Variants in SORCS2 observed in about 807,000 individuals in gnomAD.
SORCS2 encodes the protein sortilin related VPS10 domain containing receptor 2.
In SORCS2, 100 loss-of-function variants were observed where a neutral mutation model predicts 141.6. That is an observed-to-expected ratio of 0.71 (90% CI 0.60 to 0.83). SORCS2 has a LOEUF of 0.83. Among genes scored for constraint, SORCS2 ranks in the 40% least tolerant of loss-of-function variants. SORCS2 has a pLI of 0.00. For missense variants in SORCS2, 1,646 were observed against 1,560.2 expected (o/e 1.05, Z -0.93); for synonymous variants, 789 against 676.9 (o/e 1.17, Z -2.57).
chr4:7,506,762 G>A (rs1036348211), intron 2 of SORCS2, among the ~76,000 whole-genome samples: 1 of 152,248 alleles, frequency 6.6e-6, no homozygotes, highest in Non-Finnish European at 1.5e-5. Context: ...GAGACTGGAT[G>A]TAGTCAGGGA....
At chr4:7,639,549 G>T (rs1263017002) in intron 4 of SORCS2, among the ~76,000 whole-genome samples, 1 of 71,358 alleles carries the variant, frequency 1.4e-5, no homozygotes, top group Non-Finnish European at 3.7e-5. Context: ...TAGTGTGAAT[G>T]TGTGTGACTG....
chr4:7,293,741 G>A (rs568960335), intron 1 of SORCS2, among the ~76,000 whole-genome samples: 5 of 152,308 alleles, frequency 3.3e-5, no homozygotes, highest in South Asian at 2.1e-4. Context: ...GTCTCAGTGC[G>A]TGGTGCCCAG....
At chr4:7,300,001 C>T (rs1717329711) in intron 1 of SORCS2, among the ~76,000 whole-genome samples, 2 of 152,190 alleles carry the variant, frequency 1.3e-5, no homozygotes, top group African/African-American at 4.8e-5. Flanking sequence ...AGGGCTTGGT[C>T]AAAGCTGCTC....
chr4:7,359,525 G>A (rs887711316), intron 1 of SORCS2, among the ~76,000 whole-genome samples: 8 of 152,162 alleles, frequency 5.3e-5, no homozygotes, highest in African/African-American at 1.7e-4. Context: ...AGAAGCCATG[G>A]CGGGATCTAA....
At chr4:7,591,134 A>C (rs1444301424) in intron 3 of SORCS2, among the ~76,000 whole-genome samples, 2 of 152,102 alleles carry the variant, frequency 1.3e-5, no homozygotes, top group Non-Finnish European at 2.9e-5. Flanking sequence ...GTGCATCCTT[A>C]GCTCACTCTT....
rs147297133 is a variant in SORCS2 at position 7,674,301 on chromosome 4, C to T, written c.1162-1749C>T. ...TAGCTCCAAAATAGCAACACTCGGC[C>T]GGGCGCGGTGGCTCACGCCTGTAAT... On this transcript the variant is annotated intron_variant, in intron 8 of 26. Transcript: ENST00000507866. Among the ~76,000 whole-genome samples, 26 of 152,144 alleles carry T rather than the reference C, an allele frequency of 1.7e-4. No homozygotes were observed. The East Asian group carries it at 3.5e-3, about 20-fold the overall frequency.
chr4:7,440,254 C>G (rs546655626), intron 2 of SORCS2, among the ~76,000 whole-genome samples: 4 of 152,158 alleles, frequency 2.6e-5, no homozygotes, highest in East Asian at 3.9e-4. Flanking sequence ...GAGTCTGGGA[C>G]CGGGGAGGAG....
intron 1 of SORCS2, among the ~76,000 whole-genome samples, chr4:7,254,644 A>C (rs1713725666): frequency 6.6e-6 from 1 of 152,196 alleles, no homozygotes; most frequent in Non-Finnish European, 1.5e-5. Context: ...AAATCTGTAC[A>C]AATAAAAAGG....
At chr4:7,427,670 G>C (rs1177522775) in intron 2 of SORCS2, among the ~76,000 whole-genome samples, 1 of 152,104 alleles carries the variant, frequency 6.6e-6, no homozygotes, top group Non-Finnish European at 1.5e-5. Context: ...TGAGACTCGG[G>C]AAGCTTCCAG....
intron 2 of SORCS2, among the ~76,000 whole-genome samples, chr4:7,498,500 C>A (rs1731767964): frequency 6.6e-6 from 1 of 152,242 alleles, no homozygotes; most frequent in African/African-American, 2.4e-5. Flanking sequence ...AAAATTGAGA[C>A]CCATGTACCA....
intron 3 of SORCS2, among the ~76,000 whole-genome samples, chr4:7,634,289 C>T (rs756106123): frequency 6.6e-6 from 1 of 151,858 alleles, no homozygotes; most frequent in Admixed American, 6.6e-5. Flanking sequence ...CAAAGAATCA[C>T]TTGAACTTGG....
At chr4:7,442,724 AC>A (rs1197381740) in intron 2 of SORCS2, among the ~76,000 whole-genome samples, 4 of 145,442 alleles carry the variant, frequency 2.8e-5, no homozygotes, top group South Asian at 2.3e-4. Context: ...GGAGAGCAGC[AC>A]CCCCAGCCCA....
rs977088527 is a variant in SORCS2 at position 7,503,626 on chromosome 4, A to C, written c.549-27904A>C. ...GCTGGAGAGGGTATACCCAGGATGC[A>C]GGGAGAGGCACAGGTGCAGATGGAG... On this transcript the variant is annotated intron_variant, in intron 2 of 26. Transcript: ENST00000507866. Among the ~76,000 whole-genome samples the C allele has an allele frequency of 2.0e-5, 3 of 152,188 alleles. No individual in the cohort carries two copies. In the South Asian group the frequency reaches 6.2e-4, roughly 32 times the overall value.
intron 2 of SORCS2, among the ~76,000 whole-genome samples, chr4:7,411,452 C>T (rs1725302261): frequency 6.6e-6 from 1 of 151,966 alleles, no homozygotes; most frequent in Non-Finnish European, 1.5e-5. Flanking sequence ...TCAATGCTTT[C>T]TTCCTTCCTT....
intron 2 of SORCS2, among the ~76,000 whole-genome samples, chr4:7,415,519 C>G (rs28411133): frequency 0.2 from 30,675 of 152,170 alleles, 4,987 homozygotes; most frequent in African/African-American, 0.44. Context: ...TGACACTGGG[C>G]CCACCTGGAT....
At chr4:7,562,308 G>T (rs1009791214) in intron 3 of SORCS2, among the ~76,000 whole-genome samples, 2 of 149,990 alleles carry the variant, frequency 1.3e-5, no homozygotes, top group African/African-American at 4.9e-5. Flanking sequence ...GATCAGCTGC[G>T]TACACAAAGG....
chr4:7,270,580 A>G (rs751545770), intron 1 of SORCS2, among the ~76,000 whole-genome samples: 1 of 152,198 alleles, frequency 6.6e-6, no homozygotes, highest in Non-Finnish European at 1.5e-5. Flanking sequence ...ATGTCTGGGG[A>G]CTAATTGTTG....
chr4:7,409,269 G>T (rs1235299497), intron 2 of SORCS2, among the ~76,000 whole-genome samples: 1 of 152,158 alleles, frequency 6.6e-6, no homozygotes, highest in Admixed American at 6.5e-5. Flanking sequence ...TTAAGCCCAG[G>T]TTCTCCTTGG....
At chr4:7,368,225 G>T (rs770434403) in intron 1 of SORCS2, among the ~76,000 whole-genome samples, 2 of 152,198 alleles carry the variant, frequency 1.3e-5, no homozygotes, top group Non-Finnish European at 2.9e-5. Flanking sequence ...GCTCTAAAGT[G>T]AGCCAGACTC....
Sources: allele counts gnomAD v4.1 joint callset (sites outside exome capture counted in the v4.1 genomes callset), GRCh38; gene constraint gnomAD v4.1.1; transcripts MANE v1.5; gene names NCBI Gene and HGNC (gene_info 2026-07-23, HGNC 2026-07-21).